LHPP: variants seen among roughly 807,000 people sequenced by gnomAD.
LHPP encodes hLHPP.
A neutral mutation model predicts 30.3 loss-of-function variants in LHPP; 24 were observed. The ratio of observed to expected loss-of-function variants is 0.79; its 90% CI spans 0.57 to 1.11. The LOEUF (loss-of-function observed/expected upper bound fraction) is 1.11, where lower values mean the gene tolerates loss of function less well. LHPP is among the 50% of genes most tolerant of loss of function. LHPP has a pLI of 0.00. For missense variants in LHPP, 356 were observed against 367.2 expected, an observed-to-expected ratio of 0.97 and a Z score of 0.25; for synonymous variants, 150 against 157.1, an observed-to-expected ratio of 0.95 and a Z score of 0.34.
rs71488619 is a variant in LHPP at position 124,610,404 on chromosome 10, G to A, written c.717-2860G>A. 9.4e-4 allele frequency among the ~76,000 whole-genome samples: 111 copies of A among 118,218 alleles called. 5 individuals are homozygous for A. Among genetic ancestry groups the A allele is most frequent in the African/African-American group, 3.1e-3 (90 of 28,672 alleles). 77.6% of individuals were successfully genotyped at this position (118,218 alleles called of 152,430 possible). On this transcript the variant is annotated intron_variant, in intron 6 of 6. Transcript: ENST00000368842. Reference sequence around the variant, plus strand: ...GGTGAGGGTGCGGGTGAGGGTGCTGGTGGAGCGGGTGAGGGTGAGGGTGAG... The same window carrying A: ...GGTGAGGGTGCGGGTGAGGGTGCTGATGGAGCGGGTGAGGGTGAGGGTGAG...
intron 3 of LHPP, among the ~76,000 whole-genome samples, chr10:124,492,796 C>G (rs1242757999): frequency 6.6e-6 from 1 of 152,214 alleles, no homozygotes; most frequent in African/African-American, 2.4e-5. Context: ...TTTACCCGGG[C>G]TGACCCATTA....
chr10:124,602,776 C>T (rs9783263), intron 6 of LHPP, among the ~76,000 whole-genome samples: 13,073 of 152,280 alleles, frequency 0.086, 647 homozygotes, highest in Admixed American at 0.14. Context: ...TGCCCCACCC[C>T]AGCTCTTCAC....
intron 5 of LHPP, among the ~76,000 whole-genome samples, chr10:124,500,404 G>A (rs954944836): frequency 1.3e-5 from 2 of 151,966 alleles, no homozygotes; most frequent in East Asian, 1.9e-4. Context: ...CCCAGGAGGT[G>A]GAGGTTGCAG....
At chr10:124,531,431 T>C (rs1954901188) in intron 6 of LHPP, among the ~76,000 whole-genome samples, 1 of 152,216 alleles carries the variant, frequency 6.6e-6, no homozygotes. Flanking sequence ...TACACCCTTC[T>C]CCCAGAGACA....
At chr10:124,553,328 T>C (rs1948215059) in intron 6 of LHPP, among the ~76,000 whole-genome samples, 1 of 151,974 alleles carries the variant, frequency 6.6e-6, no homozygotes, top group Non-Finnish European at 1.5e-5. Flanking sequence ...GTGGGGAGCA[T>C]ATGGGGCTTT....
Position 124,576,559 on chromosome 10 carries a change from A to G in LHPP, c.717-36705A>G, listed in dbSNP as rs1321093233. On this transcript the variant is annotated intron_variant, in intron 6 of 6. Transcript: ENST00000368842. This position sits in a 1 kb window ranked among gnomAD's most constrained non-coding sequence, Gnocchi z 4.2. ...CAGATCCCCCTTTGCTGCCACCCCT[A>G]TATCTTACCCCAGACTCCCCCATAT... 5.1e-5 allele frequency among the ~76,000 whole-genome samples: 7 copies of G among 137,050 alleles called. No homozygotes were observed. Among genetic ancestry groups the G allele is most frequent in the African/African-American group, 1.9e-4 (7 of 36,054 alleles). 89.9% of individuals were successfully genotyped at this position (137,050 alleles called of 152,430 possible). A position where few individuals can be genotyped will look rare whatever the true frequency, so the allele number is the denominator to read the frequency against.
chr10:124,566,526 C>A (rs555299003), intron 6 of LHPP, among the ~76,000 whole-genome samples: 2 of 152,296 alleles, frequency 1.3e-5, no homozygotes, highest in East Asian at 3.9e-4. Context: ...GTTGTGATGT[C>A]TTTTGCCAGC....
chr10:124,582,705 T>A (rs1425173269), intron 6 of LHPP, among the ~76,000 whole-genome samples: 3 of 151,876 alleles, frequency 2.0e-5, no homozygotes, highest in African/African-American at 7.3e-5. Context: ...GAAAAGAAAA[T>A]TTAAGAAAAG....
intron 1 of LHPP, among the ~76,000 whole-genome samples, chr10:124,465,373 A>T (rs1288705460): frequency 6.6e-6 from 1 of 152,176 alleles, no homozygotes; most frequent in Non-Finnish European, 1.5e-5. Context: ...AAGACTCTAG[A>T]TAGGCATATC....
At chr10:124,581,790 T>C (rs2133992200) in intron 6 of LHPP, among the ~76,000 whole-genome samples, 1 of 141,228 alleles carries the variant, frequency 7.1e-6, no homozygotes, top group South Asian at 2.2e-4. Flanking sequence ...CACACACACA[T>C]TTTTTCTTTT....
chr10:124,492,402 C>T (rs575936594), intron 3 of LHPP, among the ~76,000 whole-genome samples: 22 of 152,292 alleles, frequency 1.4e-4, no homozygotes, highest in African/African-American at 3.6e-4. Context: ...GGAGGCTTGG[C>T]GAGTCCAAAA....
At chr10:124,493,664 A>G (rs1219601875) in intron 3 of LHPP, 2 of 152,222 alleles carry the variant, frequency 1.3e-5, no homozygotes, top group Non-Finnish European at 2.9e-5. Context: ...CGGCAGAAGA[A>G]TAAAGCATAA....
intron 6 of LHPP, among the ~76,000 whole-genome samples, chr10:124,597,214 C>T (rs760947718): frequency 1.4e-4 from 22 of 152,180 alleles, no homozygotes; most frequent in Non-Finnish European, 4.4e-5. Context: ...AGCTTGCGTA[C>T]GGTCTGTCGT....
At chr10:124,532,287 A>G (rs1000392269) in intron 6 of LHPP, among the ~76,000 whole-genome samples, 2 of 152,204 alleles carry the variant, frequency 1.3e-5, no homozygotes, top group Non-Finnish European at 1.5e-5. Flanking sequence ...CCAGGGCCCC[A>G]GGTGTGCTTG....
At chr10:124,557,925 G>A (rs917468151) in intron 6 of LHPP, among the ~76,000 whole-genome samples, 3 of 152,098 alleles carry the variant, frequency 2.0e-5, no homozygotes, top group Admixed American at 6.5e-5. Flanking sequence ...GGTGGGGTGC[G>A]TTGCCTGCAG....
rs995680888 is a variant in LHPP, at chr10:124,593,895, C to T, written c.717-19369C>T. ...CTGCTTGGGTATTTGGCCCCAGGGC[C>T]AGGGCTGTCCCTCCCACAGCTATTG... On this transcript the variant is annotated intron_variant, in intron 6 of 6. Transcript: ENST00000368842. This position sits in a 1 kb window ranked among gnomAD's most constrained non-coding sequence, Gnocchi z 4.9. 8.5e-5 allele frequency among the ~76,000 whole-genome samples: 13 copies of T among 152,364 alleles called. No homozygotes were observed. Among genetic ancestry groups the T allele is most frequent in the Middle Eastern group, 3.4e-3 (1 of 294 alleles).
At chr10:124,563,095 C>G (rs1206758434) in intron 6 of LHPP, among the ~76,000 whole-genome samples, 9 of 152,112 alleles carry the variant, frequency 5.9e-5, no homozygotes, top group Admixed American at 4.6e-4. Context: ...GTAAAACTGT[C>G]ACATGACTCA....
At chr10:124,483,497 G>T (rs1799748351) in intron 1 of LHPP, among the ~76,000 whole-genome samples, 1 of 152,190 alleles carries the variant, frequency 6.6e-6, no homozygotes, top group African/African-American at 2.4e-5. Context: ...GGTGGGCCAG[G>T]CACGGTGGCT....
intron 1 of LHPP, among the ~76,000 whole-genome samples, chr10:124,467,709 TTTTGTTGTTG>T (rs1952595348): frequency 1.5e-5 from 2 of 133,974 alleles, no homozygotes; most frequent in African/African-American, 5.7e-5. Flanking sequence ...TGTGTGTGTT[TTTTGTTGTTG>T]TTGTTGTTGT....
Sources: allele counts gnomAD v4.1 joint callset (sites outside exome capture counted in the v4.1 genomes callset), GRCh38; gene constraint gnomAD v4.1.1; non-coding constraint Gnocchi (gnomAD v3.1); transcripts MANE v1.5; gene names NCBI Gene and HGNC (gene_info 2026-07-23, HGNC 2026-07-21).